ITGB7: variants seen among roughly 807,000 people sequenced by gnomAD.
ITGB7 encodes integrin beta-7.
ITGB7 carries 55 observed loss-of-function variants against 83.4 expected under a neutral mutation model. The observed-to-expected ratio is 0.66, with a 90% CI of 0.53 to 0.83. The LOEUF is 0.83. Ranked by LOEUF, ITGB7 falls within the 40% of genes least tolerant of loss-of-function variation. The probability of loss-of-function intolerance (pLI) is 0.00; values close to 1 mark genes in which losing one functional copy is unlikely to be tolerated. For synonymous variants in ITGB7, 454 were observed against 423.6 expected (o/e 1.07, Z -0.88); for missense variants, 921 against 1,046.7 (o/e 0.88, Z 1.66).
At position 53,193,326 on chromosome 12, in the gene ITGB7, A is replaced by G. The variant is rs1264241093; in HGVS notation, c.1540T>C (p.Ser514Pro). Residue 514 changes from serine (S) to proline (P), a missense_variant, in exon 12 of 16, where the codon TCT (serine) becomes CCT (proline). By Grantham distance (74) the Ser-to-Pro change is moderately conservative. Transcript: ENST00000267082. ...TCTGGGGAGGACAGCTCTGCCACAG[A>G]GCACTCACAGAGCCGACCTAGGCGG... is the stretch of plus-strand genomic sequence containing the variant. ...PGRLGRLCEC[S>P]VAELSSPDLE... 1 of 1,604,854 alleles carries G rather than the reference A, an allele frequency of 6.2e-7. No homozygotes were observed. Among genetic ancestry groups the G allele is most frequent in the Non-Finnish European group, 8.5e-7 (1 of 1,173,334 alleles).
intron 9 of ITGB7, 57 bp from the exon 10 acceptor site, chr12:53,194,401 A>C (rs1361293682): frequency 6.4e-7 from 1 of 1,559,858 alleles, no homozygotes; most frequent in Admixed American, 1.8e-5. Flanking sequence ...CTCCAACCCC[A>C]CCTTATGTCC....
At chr12:53,202,420 T>C (rs920167067) in intron 1 of ITGB7, among the ~76,000 whole-genome samples, 45 of 152,104 alleles carry the variant, frequency 3.0e-4, no homozygotes, top group Non-Finnish European at 1.3e-4. Flanking sequence ...AGTCGCGCCA[T>C]CTCAGCTCAC....
intron 10 of ITGB7, 121 bp from the exon 11 acceptor site, chr12:53,194,022 A>G (rs1565700787): frequency 7.8e-7 from 1 of 1,286,124 alleles, no homozygotes; most frequent in East Asian, 2.4e-5. Flanking sequence ...GTTAACACCC[A>G]ACTCCTAGAA....
Position 53,197,547 on chromosome 12 carries a change from G to T in ITGB7, c.520C>A (p.Leu174Ile). ...MKDDLERVRQ[L>I]GHALLVRLQE... ...AGCCGGACCAGCAGAGCGTGCCCGA[G>T]CTGGCGCACGCGTTCCAGGTCGTCC... The change falls in exon 5 of 16, where the codon CTC (leucine) becomes ATC (isoleucine). Residue 174 changes from leucine (L) to isoleucine (I), a missense_variant. Coordinates refer to ENST00000267082, the MANE Select transcript of ITGB7 (RefSeq NM_000889.3). The T allele has an allele frequency of 4.3e-6, 7 of 1,614,216 alleles. No homozygotes were observed. Among genetic ancestry groups the T allele is most frequent in the Non-Finnish European group, 5.9e-6 (7 of 1,180,034 alleles).
At chr12:53,200,945 G>C (rs991765081) in intron 2 of ITGB7, 127 bp downstream of exon 2, 3 of 156,552 alleles carry the variant, frequency 1.9e-5, no homozygotes, top group Non-Finnish European at 4.2e-5. Flanking sequence ...AAAAAAAATA[G>C]GGGCCTCAGA....
In ITGB7 at chr12:53,191,581, T is replaced by C. The variant is rs1425261624; in HGVS notation, c.2372A>G (p.Gln791Arg). 1.2e-6 allele frequency: 2 copies of C among 1,613,356 alleles called. No homozygotes were observed. The highest frequency in any genetic ancestry group is 4.5e-5 in the East Asian group (2 of 44,862). The change falls in exon 16 of 16, where the codon CAA becomes CGA. Residue 791 changes from glutamine to arginine, a missense_variant. Coordinates refer to ENST00000267082, the MANE Select transcript of ITGB7 (RefSeq NM_000889.3). ...AITTTINPRF[Q>R]EADSPTL Reference sequence around the variant, plus strand: ...TCAGAGAGTGGGACTGTCTGCCTCTTGAAAGCGAGGATTGATGGTGGTCGT... The same window carrying C: ...TCAGAGAGTGGGACTGTCTGCCTCTCGAAAGCGAGGATTGATGGTGGTCGT...
Position 53,202,029 on chromosome 12 carries a change from G to T in ITGB7, c.-126-835C>A, listed in dbSNP as rs568917816. Among the ~76,000 whole-genome samples the T allele has an allele frequency of 3.3e-5, 5 of 152,326 alleles. No homozygotes were observed. The South Asian group carries it at 8.3e-4, about 25-fold the overall frequency. Reference sequence around the variant, plus strand: ...TGTGGCCAATTGATTTCCAACAAGGGTGCCAAACCATTCAATGAGAAAAAC... The same window carrying T: ...TGTGGCCAATTGATTTCCAACAAGGTTGCCAAACCATTCAATGAGAAAAAC... On this transcript the variant is annotated intron_variant, in intron 1 of 15. Transcript: ENST00000267082.
At chr12:53,192,048 G>C (rs1342932132) in intron 14 of ITGB7, 29 bp from the exon 15 acceptor site, 1 of 1,604,596 alleles carries the variant, frequency 6.2e-7, no homozygotes, top group Admixed American at 1.7e-5. Flanking sequence ...ACACACTTGT[G>C]GGAGCTGGAG....
At chr12:53,201,404 C>T (rs1015785995) in intron 1 of ITGB7, 1 of 152,106 alleles carries the variant, frequency 6.6e-6, no homozygotes, top group African/African-American at 2.4e-5. Context: ...CAAGAACTCT[C>T]TGCAGGTCTG....
At chr12:53,203,827 G>A (rs139992558) in intron 1 of ITGB7, among the ~76,000 whole-genome samples, 1 of 152,174 alleles carries the variant, frequency 6.6e-6, no homozygotes, top group East Asian at 1.9e-4. Context: ...ATGTAAAGTG[G>A]TACAATCTCT....
rs1401866584 is a variant in ITGB7 at position 53,197,766 on chromosome 12, C to G, written c.387G>C (p.Arg129=). 5 of 1,570,032 alleles carry G rather than the reference C, an allele frequency of 3.2e-6. No individual in the cohort carries two copies. The African/African-American group carries it at 5.4e-5, about 17-fold the overall frequency. Reference sequence around the variant, plus strand: ...CTAACTCACCAGGCCGCAGCGTGACCCGGACCCGCTGCGGCGCCAGCTGGG... The same window carrying G: ...CTAACTCACCAGGCCGCAGCGTGACGCGGACCCGCTGCGGCGCCAGCTGGG... ...GATQLAPQRV[R]VTLRPGEPQQ... The change falls in exon 4 of 16, where the codon CGG becomes CGC. Residue 129 remains arginine (R), a synonymous_variant. Transcript: ENST00000267082.
chr12:53,200,412 A>C lies in ITGB7; in HGVS notation c.32T>G (p.Leu11Arg), dbSNP rs760752835. 8 of 1,614,096 alleles carry C rather than the reference A, an allele frequency of 5.0e-6. No homozygotes were observed. The Admixed American group carries it at 1.3e-4, about 27-fold the overall frequency. Residue 11 changes from leucine to arginine, a missense_variant, in exon 3 of 16, where the codon CTG becomes CGG. Physicochemically the swap from Leu to Arg is moderately radical, Grantham distance 102. Transcript: ENST00000267082. Reference sequence around the variant, plus strand: ...ACTCTCACCTCTGCTCAGGACCAGCAGCAAAACAAGGACCATTGGCAAAGC... The same window carrying C: ...ACTCTCACCTCTGCTCAGGACCAGCCGCAAAACAAGGACCATTGGCAAAGC... MVALPMVLVLLLVLSRGESEL... is the reference protein window; with the variant it reads MVALPMVLVLRLVLSRGESEL...
chr12:53,193,166 T>G lies in ITGB7; in HGVS notation c.1700A>C (p.Glu567Ala). Reference protein sequence around the residue: ...HLCECDDASCERHEGILCGGF... With the variant: ...HLCECDDASCARHEGILCGGF... ...TCCGCAGAGGATGCCCTCATGTCGC[T>G]CACAGCTGGCATCGTCACACTCGCA... The change falls in exon 12 of 16, where the codon GAG becomes GCG. Residue 567 changes from glutamate to alanine, a missense_variant. Glu to Ala is a moderately radical substitution (Grantham distance 107). Coordinates refer to ENST00000267082, the MANE Select transcript of ITGB7 (RefSeq NM_000889.3). 6.2e-7 allele frequency: 1 copy of G among 1,612,952 alleles called. No homozygotes were observed. The highest frequency in any genetic ancestry group is 8.5e-7 in the Non-Finnish European group (1 of 1,179,138).
In ITGB7 at chr12:53,191,457, A is replaced by G. The variant is rs1056460439; in HGVS notation, c.*99T>C. On this transcript the variant is annotated 3_prime_UTR_variant, in exon 16 of 16. Transcript: ENST00000267082. ...GGTGGCCGCACCTCGCCAGTGAATT[A>G]GTCCCCTACCAAGGTCTTACAGACC... The G allele has an allele frequency of 2.1e-6, 2 of 933,270 alleles. No individual in the cohort carries two copies. The highest frequency in any genetic ancestry group is 1.3e-5 in the South Asian group (1 of 76,936). 57.8% of individuals were successfully genotyped at this position (933,270 alleles called of 1,614,324 possible). A position where few individuals can be genotyped will look rare whatever the true frequency, so the allele number is the denominator to read the frequency against.
At chr12:53,205,699 A>G (rs140822822) in intron 1 of ITGB7, among the ~76,000 whole-genome samples, 34 of 152,164 alleles carry the variant, frequency 2.2e-4, no homozygotes, top group Middle Eastern at 3.2e-3. Flanking sequence ...CCCATCAGCA[A>G]TGTATGAGAA....
Position 53,194,288 on chromosome 12 carries a change from A to T in ITGB7, c.1218T>A (p.Ile406=), listed in dbSNP as rs2120435085. 1.2e-6 allele frequency: 2 copies of T among 1,613,932 alleles called. No individual in the cohort carries two copies. Among genetic ancestry groups the T allele is most frequent in the East Asian group, 4.5e-5 (2 of 44,872 alleles). ...EHSSLPPGVH[I]SYESQCEGPE... Reference sequence around the variant, plus strand: ...GACCCTCACACTGGGATTCGTAAGAAATGTGGACCCCAGGAGGGAGTGAAG... The same window carrying T: ...GACCCTCACACTGGGATTCGTAAGATATGTGGACCCCAGGAGGGAGTGAAG... Residue 406 remains isoleucine, a synonymous_variant, in exon 10 of 16, where the codon ATT becomes ATA. Transcript: ENST00000267082.
rs1199371542 is a variant in ITGB7, at chr12:53,195,377, A to G, written c.1158T>C (p.Tyr386=). ...TCCCCTTCCCCTGGCCCCTCACATT[A>G]TAAGCATCCATGATGAGCTGTACCA... ...SNVVQLIMDA[Y]NSLSSTVTLE... is the part of the protein sequence containing the mutation. Residue 386 remains tyrosine (Y), a synonymous_variant, in exon 9 of 16, where the codon TAT becomes TAC. Transcript: ENST00000267082. The G allele has an allele frequency of 6.2e-7, 1 of 1,609,098 alleles. No homozygotes were observed. The highest frequency in any genetic ancestry group is 8.5e-7 in the Non-Finnish European group (1 of 1,176,056).
intron 10 of ITGB7, 49 bp from the exon 11 acceptor site, chr12:53,193,950 A>T: frequency 6.5e-7 from 1 of 1,532,842 alleles, no homozygotes; most frequent in Non-Finnish European, 8.9e-7. Flanking sequence ...GCACACACAC[A>T]TACCCCAAAC....
intron 3 of ITGB7, among the ~76,000 whole-genome samples, 196 bp downstream of exon 3, chr12:53,200,047 T>G (rs1211332258): frequency 6.6e-6 from 1 of 152,238 alleles, no homozygotes; most frequent in Non-Finnish European, 1.5e-5. Flanking sequence ...GAAACTTGCA[T>G]GCATGTGTAT....
Sources: gnomAD v4.1 joint callset for allele counts (sites outside exome capture counted in the v4.1 genomes callset) on GRCh38, gnomAD v4.1.1 for gene constraint, MANE v1.5 for transcripts, NCBI Gene and HGNC (gene_info 2026-07-23, HGNC 2026-07-21) for gene names.